CATSPERE: variants seen among roughly 807,000 people sequenced by gnomAD.
The protein encoded by CATSPERE is cation channel sperm-associated auxiliary subunit epsilon.
A neutral mutation model predicts 114.1 loss-of-function variants in CATSPERE; 93 were observed. The observed-to-expected ratio is 0.81, with a 90% CI of 0.69 to 0.97. CATSPERE has a LOEUF of 0.97. Ranked by LOEUF, CATSPERE falls within the 50% of genes least tolerant of loss-of-function variation. The probability of loss-of-function intolerance (pLI) is 0.00; values close to 1 mark genes in which losing one functional copy is unlikely to be tolerated. For synonymous variants in CATSPERE, 341 were observed against 384.1 expected (o/e 0.89, Z 1.31); for missense variants, 1,058 against 1,131.6 (o/e 0.93, Z 0.93).
chr1:244,600,371 AAGAG>A (rs74162774), intron 17 of CATSPERE, among the ~76,000 whole-genome samples: 91 of 145,058 alleles, frequency 6.3e-4, no homozygotes, highest in African/African-American at 2.1e-3. Flanking sequence ...AAAAAAAAAA[AAGAG>A]AGAGAGAGAG....
rs373072033 is a variant in CATSPERE at position 244,461,292 on chromosome 1, C to T, written c.-138C>T. The T allele has an allele frequency of 7.1e-5, 49 of 686,256 alleles. No individual in the cohort carries two copies. The highest frequency in any genetic ancestry group is 8.8e-5 in the Non-Finnish European group (43 of 487,694). The allele number at this position is 686,256 out of a possible 1,614,324, so 42.5% of individuals were successfully genotyped here. A position where few individuals can be genotyped will look rare whatever the true frequency, so the allele number is the denominator to read the frequency against. On this transcript the variant is annotated 5_prime_UTR_variant, in exon 1 of 22. Coordinates refer to ENST00000366534, the MANE Select transcript of CATSPERE (RefSeq NM_001130957.2). ...ACGCGCACACTTCTCCCTCGCTGGT[C>T]TTCAGGCCCGGCCCGCCCTGTCCAG...
At chr1:244,463,731 G>T (rs762705005) in intron 1 of CATSPERE, among the ~76,000 whole-genome samples, 177 bp from the exon 2 acceptor site, 1 of 151,846 alleles carries the variant, frequency 6.6e-6, no homozygotes, top group Admixed American at 6.6e-5. Flanking sequence ...CACATCTAGA[G>T]ATGTGGGTAG....
intron 2 of CATSPERE, among the ~76,000 whole-genome samples, chr1:244,474,635 T>C (rs1345303686): frequency 6.6e-6 from 1 of 152,086 alleles, no homozygotes; most frequent in Non-Finnish European, 1.5e-5. Context: ...CTTCAGGATC[T>C]CTGGATATAT....
At chr1:244,534,034 A>AGC (rs1680004669) in intron 8 of CATSPERE, among the ~76,000 whole-genome samples, 1 of 152,120 alleles carries the variant, frequency 6.6e-6, no homozygotes, top group South Asian at 2.1e-4. Context: ...CAGATTTACT[A>AGC]TTCTAGGGTA....
intron 15 of CATSPERE, 110 bp from the exon 16 acceptor site, chr1:244,593,285 A>G (rs1188733289): frequency 9.4e-7 from 1 of 1,060,166 alleles, no homozygotes; most frequent in African/African-American, 1.6e-5. Context: ...TTTCATAATT[A>G]TATTTATCTG....
intron 9 of CATSPERE, among the ~76,000 whole-genome samples, chr1:244,553,740 T>C (rs1440005402): frequency 6.6e-6 from 1 of 152,026 alleles, no homozygotes; most frequent in African/African-American, 2.4e-5. Context: ...AACTGTATGT[T>C]AGTTAGATAT....
At chr1:244,620,820 C>G (rs963219816) in intron 20 of CATSPERE, among the ~76,000 whole-genome samples, 4 of 150,666 alleles carry the variant, frequency 2.7e-5, no homozygotes, top group South Asian at 4.2e-4. Flanking sequence ...CTCTATCCCC[C>G]CTAGGGTTAT....
intron 18 of CATSPERE, among the ~76,000 whole-genome samples, chr1:244,609,358 CTT>C (rs796211656): frequency 4.9e-5 from 7 of 142,640 alleles, no homozygotes; most frequent in Admixed American, 7.1e-5. Context: ...TTATCACTTC[CTT>C]TTTTTTTTTT....
At chr1:244,467,225 C>G (rs1667739777) in intron 2 of CATSPERE, among the ~76,000 whole-genome samples, 2 of 152,038 alleles carry the variant, frequency 1.3e-5, no homozygotes, top group Admixed American at 6.5e-5. Context: ...GAACCAGGCC[C>G]AGATGGTTTT....
intron 20 of CATSPERE, among the ~76,000 whole-genome samples, chr1:244,632,041 C>G (rs915567363): frequency 6.6e-6 from 1 of 152,002 alleles, no homozygotes; most frequent in Admixed American, 6.6e-5. Context: ...GCACTCTAGC[C>G]TGGGTGATAG....
At position 244,561,029 on chromosome 1, in the gene CATSPERE, A is replaced by G. The variant is rs1279464705; in HGVS notation, c.1391A>G (p.His464Arg). Residue 464 changes from histidine to arginine, a missense_variant, in exon 10 of 22, where the codon CAT becomes CGT. By Grantham distance (29) the His-to-Arg change is conservative. This residue lies in a region of CATSPERE where 787 missense variants were observed against 905.6 expected (regional missense o/e 0.87). Coordinates refer to ENST00000366534, the MANE Select transcript of CATSPERE (RefSeq NM_001130957.2). ...CCAGGATTACTGCTATGGAACAAGC[A>G]TAGTATCTACTATTGTTACCATAAT... ...ALPGLLLWNK[H>R]SIYYCYHNFT... The G allele has an allele frequency of 1.2e-6, 2 of 1,612,954 alleles. No individual in the cohort carries two copies. Among genetic ancestry groups the G allele is most frequent in the African/African-American group, 1.3e-5 (1 of 74,902 alleles).
intron 7 of CATSPERE, among the ~76,000 whole-genome samples, chr1:244,513,352 G>T (rs1676069971): frequency 6.6e-6 from 1 of 152,162 alleles, no homozygotes; most frequent in South Asian, 2.1e-4. Flanking sequence ...GGGCAGGACA[G>T]GTCTATTCTC....
At chr1:244,468,698 C>G (rs1017646591) in intron 2 of CATSPERE, among the ~76,000 whole-genome samples, 4 of 152,120 alleles carry the variant, frequency 2.6e-5, no homozygotes, top group Non-Finnish European at 5.9e-5. Flanking sequence ...GCAGGTGGAT[C>G]TCTTGAGCCC....
At chr1:244,578,319 A>G (rs1406273880) in intron 11 of CATSPERE, among the ~76,000 whole-genome samples, 1 of 151,894 alleles carries the variant, frequency 6.6e-6, no homozygotes, top group East Asian at 1.9e-4. Flanking sequence ...CGCCCAGCTA[A>G]TTTTTGTATT....
intron 10 of CATSPERE, among the ~76,000 whole-genome samples, chr1:244,571,131 A>G (rs1664391417): frequency 6.6e-6 from 1 of 152,236 alleles, no homozygotes; most frequent in South Asian, 2.1e-4. Flanking sequence ...ATGGAATTAT[A>G]TGTTATTATG....
chr1:244,541,585 G>C (rs954596368), intron 8 of CATSPERE, among the ~76,000 whole-genome samples: 7 of 131,238 alleles, frequency 5.3e-5, no homozygotes, highest in Non-Finnish European at 1.1e-4. Context: ...GAACCATTGT[G>C]GAAGTCAGTG....
At chr1:244,625,622 T>C (rs943769792) in intron 20 of CATSPERE, among the ~76,000 whole-genome samples, 1 of 149,448 alleles carries the variant, frequency 6.7e-6, no homozygotes, top group African/African-American at 2.5e-5. Flanking sequence ...AGAGACGGGG[T>C]TTCACCATCT....
At chr1:244,453,065 C>T (rs1256527701), upstream of CATSPERE, among the ~76,000 whole-genome samples, 1 of 152,068 alleles carries the variant, frequency 6.6e-6, no homozygotes, top group East Asian at 1.9e-4. Context: ...ACATTGAGAA[C>T]CTGCTATTAA....
intron 17 of CATSPERE, among the ~76,000 whole-genome samples, chr1:244,603,847 A>C (rs1558577130): frequency 6.6e-6 from 1 of 152,084 alleles, no homozygotes; most frequent in Non-Finnish European, 1.5e-5. Flanking sequence ...ATCTCTACAA[A>C]AGATTTTAAA....
Sources: allele counts gnomAD v4.1 joint callset (sites outside exome capture counted in the v4.1 genomes callset), GRCh38; gene constraint gnomAD v4.1.1; regional missense constraint gnomAD v4.1.1; transcripts MANE v1.5; gene names NCBI Gene and HGNC (gene_info 2026-07-23, HGNC 2026-07-21).